The following AFF3 variants were observed in gnomAD, a reference collection of about 807,000 sequenced individuals.
AFF3 encodes the protein AF4/FMR2 family member 3.
A neutral mutation model predicts 129.7 loss-of-function variants in AFF3; 32 were observed. The ratio of observed to expected loss-of-function variants is 0.25; its 90% confidence interval spans 0.19 to 0.33. AFF3 has a LOEUF of 0.33. AFF3 is among the 10% of genes least tolerant of loss of function. AFF3 has a pLI of 1.00. For synonymous variants in AFF3, 644 were observed against 635.4 expected (o/e 1.01, Z -0.20); for missense variants, 1,373 against 1,592.0 (o/e 0.86, Z 2.34).
chr2:99,559,589 A>G (rs1210028543), intron 21 of AFF3, among the ~76,000 whole-genome samples: 1 of 152,204 alleles, frequency 6.6e-6, no homozygotes, highest in Non-Finnish European at 1.5e-5. Context: ...TTAGTGTATT[A>G]TTCCAATATG....
intron 13 of AFF3, among the ~76,000 whole-genome samples, chr2:99,625,200 A>G (rs1682426532): frequency 6.6e-6 from 1 of 152,258 alleles, no homozygotes; most frequent in Non-Finnish European, 1.5e-5. Flanking sequence ...GAAAGATCAA[A>G]TACTTTTAGA....
chr2:99,850,392 C>G (rs1690056728), intron 7 of AFF3, among the ~76,000 whole-genome samples: 1 of 152,162 alleles, frequency 6.6e-6, no homozygotes, highest in South Asian at 2.1e-4. Flanking sequence ...GAAGGAGAAT[C>G]AAATGGACCA....
intron 10 of AFF3, among the ~76,000 whole-genome samples, chr2:99,738,358 C>T (rs1291899493): frequency 3.3e-5 from 5 of 152,022 alleles, no homozygotes; most frequent in South Asian, 2.1e-4. Flanking sequence ...TTATATTCAA[C>T]GTTTCAGACT....
rs1683078913 is a variant in AFF3 at position 99,767,060 on chromosome 2, T to G, written c.922-14759A>C. Among the ~76,000 whole-genome samples, 4 of 152,340 alleles carry G rather than the reference T, an allele frequency of 2.6e-5. No individual in the cohort carries two copies. In the South Asian group the frequency reaches 8.3e-4, roughly 32 times the overall value. ...GGTCTAACAATCATGCTGAACAGTCTGAGACTTAATAGAGCCAATCAGTTC... is the reference window on the plus strand; with the variant it reads ...GGTCTAACAATCATGCTGAACAGTCGGAGACTTAATAGAGCCAATCAGTTC... On this transcript the variant is annotated intron_variant, in intron 8 of 24. Coordinates refer to ENST00000672756, the MANE Select transcript of AFF3 (RefSeq NM_001386135.1).
At chr2:99,927,998 G>GGA (rs1696391462) in intron 7 of AFF3, among the ~76,000 whole-genome samples, 1 of 152,152 alleles carries the variant, frequency 6.6e-6, no homozygotes, top group Non-Finnish European at 1.5e-5. Flanking sequence ...TTTTAAAAAT[G>GGA]GGAGTTCCCC....
chr2:100,010,684 G>T (rs1470362266), intron 4 of AFF3, among the ~76,000 whole-genome samples: 8 of 152,132 alleles, frequency 5.3e-5, no homozygotes, highest in Admixed American at 3.3e-4. Context: ...AACTCTCTGG[G>T]GTGGCTGTGG....
chr2:99,599,926 T>C (rs1266110728), intron 14 of AFF3, among the ~76,000 whole-genome samples: 1 of 152,212 alleles, frequency 6.6e-6, no homozygotes, highest in Non-Finnish European at 1.5e-5. Flanking sequence ...TTTTTTGTCA[T>C]ATAATTGTGT....
intron 7 of AFF3, among the ~76,000 whole-genome samples, chr2:99,935,976 G>A (rs1224416263): frequency 6.6e-6 from 1 of 152,186 alleles, no homozygotes; most frequent in East Asian, 1.9e-4. Flanking sequence ...TCAGTTAAGG[G>A]AGTTTCATGA....
intron 8 of AFF3, among the ~76,000 whole-genome samples, chr2:99,767,902 G>A (rs9678639): frequency 1.3e-5 from 2 of 152,196 alleles, no homozygotes; most frequent in South Asian, 2.1e-4. Context: ...CTGAGATTGC[G>A]CCATTGCACT....
At chr2:99,943,538 T>G (rs1481461981) in intron 7 of AFF3, among the ~76,000 whole-genome samples, 1 of 152,222 alleles carries the variant, frequency 6.6e-6, no homozygotes, top group African/African-American at 2.4e-5. Context: ...AAAGAAAATG[T>G]GACACTGCCT....
At chr2:99,921,488 T>A (rs1238076939) in intron 7 of AFF3, among the ~76,000 whole-genome samples, 1 of 152,132 alleles carries the variant, frequency 6.6e-6, no homozygotes, top group Non-Finnish European at 1.5e-5. Context: ...GTTTACTTAA[T>A]CTACTGTAAT....
chr2:100,107,422 G>A (rs1019613681), intron 2 of AFF3: 1 of 985,142 alleles, frequency 1.0e-6, no homozygotes, highest in African/African-American at 1.7e-5. Context: ...TTGGACTTTT[G>A]GGGATTAGAA....
intron 4 of AFF3, among the ~76,000 whole-genome samples, chr2:100,020,310 C>T (rs1472947653): frequency 6.6e-6 from 1 of 151,978 alleles, no homozygotes; most frequent in Non-Finnish European, 1.5e-5. Context: ...TGCCATTTTT[C>T]CCTCCTGTGA....
At chr2:99,755,426 C>T (rs567177418) in intron 8 of AFF3, among the ~76,000 whole-genome samples, 7 of 152,226 alleles carry the variant, frequency 4.6e-5, no homozygotes, top group Admixed American at 3.9e-4. Flanking sequence ...CGTCACCACA[C>T]CTGGCTAATT....
intron 12 of AFF3, among the ~76,000 whole-genome samples, chr2:99,665,646 G>C (rs1463107267): frequency 1.3e-5 from 2 of 152,198 alleles, no homozygotes; most frequent in Non-Finnish European, 1.5e-5. Flanking sequence ...TTCTGAGCTG[G>C]GGATATAACT....
chr2:99,866,676 T>TA (rs1266017177), intron 7 of AFF3, among the ~76,000 whole-genome samples: 3 of 151,976 alleles, frequency 2.0e-5, no homozygotes, highest in Non-Finnish European at 4.4e-5. Flanking sequence ...CAAGGCGGGA[T>TA]AAAAAATCAA....
intron 17 of AFF3, among the ~76,000 whole-genome samples, chr2:99,581,430 C>T (rs1366927427): frequency 3.3e-5 from 5 of 152,152 alleles, no homozygotes; most frequent in Non-Finnish European, 7.4e-5. Context: ...TGGGAACTTC[C>T]AGCAACTTGT....
chr2:99,873,728 GT>G (rs112561437), intron 7 of AFF3, among the ~76,000 whole-genome samples: 5,243 of 138,688 alleles, frequency 0.038, 86 homozygotes, highest in Non-Finnish European at 0.047. Context: ...CATCTTAGTG[GT>G]TTTTTTTTTT....
At chr2:100,129,929 C>A (rs942144528) in intron 1 of AFF3, among the ~76,000 whole-genome samples, 4 of 152,134 alleles carry the variant, frequency 2.6e-5, no homozygotes, top group Non-Finnish European at 5.9e-5. Context: ...TAGTGGGAGG[C>A]ACAGTTGGGA....
Sources: allele counts gnomAD v4.1 joint callset (sites outside exome capture counted in the v4.1 genomes callset), GRCh38; gene constraint gnomAD v4.1.1; transcripts MANE v1.5; gene names NCBI Gene and HGNC (gene_info 2026-07-23, HGNC 2026-07-21).